The following GOLGA7B variants were observed in gnomAD, a reference collection of about 807,000 sequenced individuals.
GOLGA7B encodes the protein golgin A7 family member B.
Under a neutral mutation model 21.5 loss-of-function variants are expected in GOLGA7B, and 17 were observed. The observed-to-expected ratio is 0.79, with a 90% CI of 0.54 to 1.19. The LOEUF (loss-of-function observed/expected upper bound fraction) is 1.19, where lower values mean the gene tolerates loss of function less well. Ranked by LOEUF, GOLGA7B falls within the 50% of genes most tolerant of loss-of-function variation. GOLGA7B has a pLI of 0.00. For synonymous variants in GOLGA7B, 87 were observed against 84.0 expected, an observed-to-expected ratio of 1.04 and a Z score of -0.19; for missense variants, 169 against 224.4, an observed-to-expected ratio of 0.75 and a Z score of 1.58.
At chr10:97,862,491 A>G (rs929830166) in intron 2 of GOLGA7B, among the ~76,000 whole-genome samples, 12 of 152,216 alleles carry the variant, frequency 7.9e-5, no homozygotes, top group Non-Finnish European at 1.6e-4. Flanking sequence ...AAAGTAAGCT[A>G]GAGAAAAGAA....
At chr10:97,850,408 TG>T (rs2049897881) in intron 1 of GOLGA7B, 93 bp downstream of exon 1, 5 of 864,612 alleles carry the variant, frequency 5.8e-6, no homozygotes, top group Non-Finnish European at 6.9e-6. Flanking sequence ...AGGCGGGAGT[TG>T]GGGGTGGGAT....
chr10:97,868,835 C>T lies in GOLGA7B; in HGVS notation c.*3135C>T, dbSNP rs886963301. The T allele has an allele frequency of 7.2e-5, 11 of 152,112 alleles. No homozygotes were observed. The highest frequency in any genetic ancestry group is 2.7e-4 in the African/African-American group (11 of 41,410). The allele number at this position is 152,112 out of a possible 1,614,324, so 9.4% of individuals were successfully genotyped here. A position where few individuals can be genotyped will look rare whatever the true frequency, so the allele number is the denominator to read the frequency against. On this transcript the variant is annotated 3_prime_UTR_variant, in exon 5 of 5. Transcript: ENST00000370602. ...CTGACTGAGAGGCATTCAACCCTTC[C>T]ATTTTCAAATGGTAATCATAATAAT...
chr10:97,859,017 C>T (rs1256723390), intron 1 of GOLGA7B, among the ~76,000 whole-genome samples: 1 of 152,186 alleles, frequency 6.6e-6, no homozygotes, highest in East Asian at 1.9e-4. Flanking sequence ...TGCACGTGCA[C>T]GTGCGAGAGA....
chr10:97,851,594 G>A (rs1343976686), intron 1 of GOLGA7B, among the ~76,000 whole-genome samples: 2 of 152,230 alleles, frequency 1.3e-5, no homozygotes, highest in Non-Finnish European at 2.9e-5. Flanking sequence ...GAGGACAGCA[G>A]GAAGAACAAA....
In GOLGA7B at chr10:97,869,589, G is replaced by A. The variant is rs2050068629; in HGVS notation, c.*3889G>A. 1 of 152,390 alleles carries A rather than the reference G, an allele frequency of 6.6e-6. No individual in the cohort carries two copies. Among genetic ancestry groups the A allele is most frequent in the Non-Finnish European group, 1.5e-5 (1 of 68,152 alleles). 9.4% of individuals were successfully genotyped at this position (152,390 alleles called of 1,614,324 possible). A position where few individuals can be genotyped will look rare whatever the true frequency, so the allele number is the denominator to read the frequency against. On this transcript the variant is annotated 3_prime_UTR_variant, in exon 5 of 5. Transcript: ENST00000370602. ...CTTCCTTTGGCCACAGGGCGGGTGTGTGTGAAACCACAGGGTTTACAGAAG... is the reference window on the plus strand; with the variant it reads ...CTTCCTTTGGCCACAGGGCGGGTGTATGTGAAACCACAGGGTTTACAGAAG...
At chr10:97,852,898 C>T (rs1381619947) in intron 1 of GOLGA7B, among the ~76,000 whole-genome samples, 2 of 152,048 alleles carry the variant, frequency 1.3e-5, no homozygotes, top group African/African-American at 4.8e-5. Flanking sequence ...CTGCAATGAG[C>T]CCATTTTCTG....
chr10:97,850,317 T>G lies in GOLGA7B; in HGVS notation c.12+2T>G. ...CGCCCCCGGATCATGGCCACCGAGGTAGGGGCGAGCGCCCCACCCGCAGGC... is the reference window on the plus strand; with the variant it reads ...CGCCCCCGGATCATGGCCACCGAGGGAGGGGCGAGCGCCCCACCCGCAGGC... On this transcript the variant is annotated splice_donor_variant, in intron 1 of 4. Coordinates refer to ENST00000370602, the MANE Select transcript of GOLGA7B (RefSeq NM_001010917.3). LOFTEE classifies it high-confidence loss of function. The G allele has an allele frequency of 6.6e-7, 1 of 1,515,648 alleles. No individual in the cohort carries two copies. The highest frequency in any genetic ancestry group is 8.8e-7 in the Non-Finnish European group (1 of 1,133,540). The allele number at this position is 1,515,648 out of a possible 1,614,324, so 93.9% of individuals were successfully genotyped here.
chr10:97,852,966 T>C (rs1564864073), intron 1 of GOLGA7B, among the ~76,000 whole-genome samples: 1 of 152,068 alleles, frequency 6.6e-6, no homozygotes, highest in African/African-American at 2.4e-5. Flanking sequence ...TGGGAAATAG[T>C]CCAGATGGCC....
At chr10:97,865,391 C>T (rs2050007597) in intron 4 of GOLGA7B, 199 bp from the exon 5 acceptor site, 3 of 887,406 alleles carry the variant, frequency 3.4e-6, no homozygotes, top group South Asian at 2.1e-5. Flanking sequence ...CCTGGCCTTA[C>T]GAGTCTCCCT....
At chr10:97,859,286 C>T (rs188461474) in intron 1 of GOLGA7B, among the ~76,000 whole-genome samples, 172 bp from the exon 2 acceptor site, 13 of 152,364 alleles carry the variant, frequency 8.5e-5, no homozygotes, top group African/African-American at 3.1e-4. Context: ...ACCCCACAGC[C>T]CTGCCTCCCT....
chr10:97,860,598 C>T (rs2049965011), intron 2 of GOLGA7B, among the ~76,000 whole-genome samples: 1 of 152,186 alleles, frequency 6.6e-6, no homozygotes, highest in Non-Finnish European at 1.5e-5. Flanking sequence ...AGTGATCCGC[C>T]CTCCTCGGCC....
rs1352526479 is a variant in GOLGA7B at position 97,866,567 on chromosome 10, AAT to A, written c.*868_*869del. On this transcript the variant is annotated 3_prime_UTR_variant, in exon 5 of 5. Transcript: ENST00000370602. ...CATGTGTGTAAGTGCAGTGTGCGTA[AAT>A]GTGTGAGTCTGCGTGTGTTAGCATG... 1.3e-5 allele frequency: 2 copies of A among 152,204 alleles called. No homozygotes were observed. Among genetic ancestry groups the A allele is most frequent in the African/African-American group, 4.8e-5 (2 of 41,422 alleles). 9.4% of individuals were successfully genotyped at this position (152,204 alleles called of 1,614,324 possible). A position where few individuals can be genotyped will look rare whatever the true frequency, so the allele number is the denominator to read the frequency against.
chr10:97,855,346 TCCAGAGGCA>T, intron 1 of GOLGA7B, among the ~76,000 whole-genome samples: 1 of 152,186 alleles, frequency 6.6e-6, no homozygotes, highest in East Asian at 1.9e-4. Flanking sequence ...AAAGAACAAA[TCCAGAGGCA>T]TCACATTGCC....
Position 97,867,744 on chromosome 10 carries a change from G to C in GOLGA7B, c.*2044G>C, listed in dbSNP as rs543752962. On this transcript the variant is annotated 3_prime_UTR_variant, in exon 5 of 5. Transcript: ENST00000370602. Reference sequence around the variant, plus strand: ...TTTCCAATAAAAGAACTTGCCCAGCGTGAAGCTCTGTGATGCTTTCTCTGC... The same window carrying C: ...TTTCCAATAAAAGAACTTGCCCAGCCTGAAGCTCTGTGATGCTTTCTCTGC... The C allele has an allele frequency of 6.6e-6, 1 of 151,476 alleles. No homozygotes were observed. The highest frequency in any genetic ancestry group is 2.4e-5 in the African/African-American group (1 of 41,116). 9.4% of individuals were successfully genotyped at this position (151,476 alleles called of 1,614,324 possible).
At chr10:97,860,370 T>C (rs1417000) in intron 2 of GOLGA7B, among the ~76,000 whole-genome samples, 79,236 of 151,028 alleles carry the variant, frequency 0.52, 20,798 homozygotes, top group East Asian at 0.69. Context: ...TACTAGGTCT[T>C]TTTTTTTTTC....
At chr10:97,856,547 A>G (rs2049936418) in intron 1 of GOLGA7B, among the ~76,000 whole-genome samples, 1 of 152,232 alleles carries the variant, frequency 6.6e-6, no homozygotes, top group African/African-American at 2.4e-5. Context: ...TGATGAACAT[A>G]TGAGTACAGG....
At chr10:97,857,259 G>A (rs2049940881) in intron 1 of GOLGA7B, among the ~76,000 whole-genome samples, 3 of 151,938 alleles carry the variant, frequency 2.0e-5, no homozygotes, top group African/African-American at 7.3e-5. Context: ...TGTATATGGT[G>A]AGAACTAGGG....
intron 1 of GOLGA7B, among the ~76,000 whole-genome samples, chr10:97,856,389 T>C (rs192048179): frequency 6.6e-6 from 1 of 152,362 alleles, no homozygotes; most frequent in Admixed American, 6.5e-5. Context: ...GCTCCACTCA[T>C]GTTGCTGCAA....
chr10:97,853,667 G>A (rs777992480), intron 1 of GOLGA7B, among the ~76,000 whole-genome samples: 5 of 152,206 alleles, frequency 3.3e-5, no homozygotes, highest in Non-Finnish European at 7.3e-5. Context: ...AGTGGAGAGA[G>A]GCTCAGGTCT....
Sources: gnomAD v4.1 joint callset for allele counts (sites outside exome capture counted in the v4.1 genomes callset) on GRCh38, gnomAD v4.1.1 for gene constraint, MANE v1.5 for transcripts, NCBI Gene and HGNC (gene_info 2026-07-23, HGNC 2026-07-21) for gene names.